SH3PXD2A: variants seen among roughly 807,000 people sequenced by gnomAD.
SH3PXD2A encodes SH3 and PX domain-containing protein 2A.
Under a neutral mutation model 115.2 loss-of-function variants are expected in SH3PXD2A, and 32 were observed. That is an observed-to-expected ratio of 0.28 (90% confidence interval 0.21 to 0.37). The LOEUF is 0.37. SH3PXD2A is among the 10% of genes least tolerant of loss of function. The pLI is 1.00. For missense variants in SH3PXD2A, 1,328 were observed against 1,498.7 expected, an observed-to-expected ratio of 0.89 and a Z score of 1.88; for synonymous variants, 610 against 629.1, an observed-to-expected ratio of 0.97 and a Z score of 0.45.
chr10:103,826,750 T>A (rs2039433730), intron 1 of SH3PXD2A, among the ~76,000 whole-genome samples: 1 of 152,208 alleles, frequency 6.6e-6, no homozygotes, highest in Non-Finnish European at 1.5e-5. Flanking sequence ...TGAAATTGTT[T>A]TGGTTCACCC....
Position 103,620,060 on chromosome 10 carries a change from C to T in SH3PXD2A, c.802+2410G>A, listed in dbSNP as rs372893425. Reference sequence around the variant, plus strand: ...CCCAAGGAAGAGAGACTTGCCTGGGCCACAAACCCCATCTGGGGGCGCCAG... The same window carrying T: ...CCCAAGGAAGAGAGACTTGCCTGGGTCACAAACCCCATCTGGGGGCGCCAG... On this transcript the variant is annotated intron_variant, in intron 10 of 14. Coordinates refer to ENST00000369774, the MANE Select transcript of SH3PXD2A (RefSeq NM_001394015.1). The surrounding 1 kb of genome is among the most constrained non-coding windows in gnomAD (Gnocchi z 5.3). Among the ~76,000 whole-genome samples, 22 of 152,330 alleles carry T rather than the reference C, an allele frequency of 1.4e-4. No individual in the cohort carries two copies. The highest frequency in any genetic ancestry group is 5.1e-4 in the African/African-American group (21 of 41,584).
Position 103,602,586 on chromosome 10 carries a change from A to G in SH3PXD2A, c.2632T>C (p.Trp878Arg). The G allele has an allele frequency of 6.2e-7, 1 of 1,613,750 alleles. No homozygotes were observed. The change falls in exon 15 of 15, where the codon TGG becomes CGG. Residue 878 changes from tryptophan (W) to arginine (R), a missense_variant. This residue lies in a region of SH3PXD2A where 574 missense variants were observed against 565.7 expected (regional missense o/e 1.01). Coordinates refer to ENST00000369774, the MANE Select transcript of SH3PXD2A (RefSeq NM_001394015.1). Reference protein sequence around the residue: ...QVLEKQESGWWYVRFGELEGW... With the variant: ...QVLEKQESGWRYVRFGELEGW... ...TCCAGCTCCCCAAACCTCACATACC[A>G]CCACCCGCTCTCCTGCTTCTCCAGC... is the stretch of plus-strand genomic sequence containing the variant.
At chr10:103,713,249 G>A (rs1157698128) in intron 5 of SH3PXD2A, among the ~76,000 whole-genome samples, 2 of 152,116 alleles carry the variant, frequency 1.3e-5, no homozygotes, top group African/African-American at 4.8e-5. Context: ...CTTTCATCTC[G>A]GACTATGTCT....
At chr10:103,675,320 TTATGTAGCTAGC>T (rs2037518947) in intron 6 of SH3PXD2A, among the ~76,000 whole-genome samples, 1 of 152,202 alleles carries the variant, frequency 6.6e-6, no homozygotes. Context: ...ATCCTGCAAA[TTATGTAGCTAGC>T]TATGCCCAAG....
intron 3 of SH3PXD2A, among the ~76,000 whole-genome samples, chr10:103,749,351 G>A (rs183011401): frequency 4.7e-4 from 72 of 152,354 alleles, no homozygotes; most frequent in African/African-American, 1.6e-3. Context: ...CTCTGAGAGG[G>A]TCACGCTTTG....
chr10:103,706,057 A>C (rs1292924570), intron 5 of SH3PXD2A, among the ~76,000 whole-genome samples: 1 of 152,146 alleles, frequency 6.6e-6, no homozygotes, highest in Non-Finnish European at 1.5e-5. Flanking sequence ...ACTGAGTTCT[A>C]GACTCTTCCT....
intron 5 of SH3PXD2A, among the ~76,000 whole-genome samples, chr10:103,711,376 C>G (rs965080607): frequency 2.6e-5 from 4 of 152,260 alleles, no homozygotes; most frequent in South Asian, 2.1e-4. Context: ...TTTGAGGTGG[C>G]CTTCCCACTG....
intron 2 of SH3PXD2A, among the ~76,000 whole-genome samples, chr10:103,798,402 T>C (rs2039115162): frequency 6.6e-6 from 1 of 152,188 alleles, no homozygotes; most frequent in Non-Finnish European, 1.5e-5. Context: ...CACGACCTGC[T>C]AGGCTCAAGT....
At chr10:103,840,040 G>A (rs2134315816) in intron 1 of SH3PXD2A, among the ~76,000 whole-genome samples, 2 of 152,382 alleles carry the variant, frequency 1.3e-5, no homozygotes, top group East Asian at 3.9e-4. Flanking sequence ...GGCAAGGCCA[G>A]GCAAGAGCCC....
intron 2 of SH3PXD2A, among the ~76,000 whole-genome samples, chr10:103,800,776 G>A (rs142535569): frequency 7.6e-4 from 116 of 152,278 alleles, no homozygotes; most frequent in African/African-American, 2.5e-3. Context: ...CACCTACCAC[G>A]TACATGTACA....
At chr10:103,727,253 A>G (rs549243819) in intron 4 of SH3PXD2A, among the ~76,000 whole-genome samples, 2 of 152,328 alleles carry the variant, frequency 1.3e-5, no homozygotes, top group South Asian at 4.1e-4. Context: ...TGAAGGTCAG[A>G]TGGGTGGAGC....
chr10:103,760,308 C>T (rs2038686233), intron 3 of SH3PXD2A, among the ~76,000 whole-genome samples: 1 of 152,198 alleles, frequency 6.6e-6, no homozygotes, highest in Non-Finnish European at 1.5e-5. Context: ...GTGGCTCACA[C>T]CTGTAATCCC....
intron 13 of SH3PXD2A, chr10:103,608,522 G>A (rs916690065): frequency 6.7e-6 from 1 of 149,040 alleles, no homozygotes; most frequent in Non-Finnish European, 1.5e-5. Flanking sequence ...GAATAATACC[G>A]AGTCTTCTCA....
chr10:103,813,936 C>A (rs901429896), intron 1 of SH3PXD2A, among the ~76,000 whole-genome samples: 1 of 145,758 alleles, frequency 6.9e-6, no homozygotes, highest in Admixed American at 7.1e-5. Context: ...GGTGGGTCTA[C>A]GGGTTGTTCC....
At chr10:103,672,548 A>C (rs1228899001) in intron 6 of SH3PXD2A, among the ~76,000 whole-genome samples, 2 of 152,238 alleles carry the variant, frequency 1.3e-5, no homozygotes, top group Non-Finnish European at 2.9e-5. Flanking sequence ...ATGATTCAGG[A>C]GGCACAGAGG....
At chr10:103,840,472 C>T (rs1280135772) in intron 1 of SH3PXD2A, among the ~76,000 whole-genome samples, 1 of 152,222 alleles carries the variant, frequency 6.6e-6, no homozygotes, top group Non-Finnish European at 1.5e-5. Context: ...CTCATACTGG[C>T]CACCCGTGGC....
Position 103,777,430 on chromosome 10 carries a change from G to A in SH3PXD2A, c.154-10261C>T, listed in dbSNP as rs375911834. ...AGGCCCCAGGGGAGCTGCCCAGCTG[G>A]CGTGCGTGGGCCAGGGTTGGGGAGG... On this transcript the variant is annotated intron_variant, in intron 2 of 14. Transcript: ENST00000369774. 2.4e-4 allele frequency among the ~76,000 whole-genome samples: 37 copies of A among 152,380 alleles called. No homozygotes were observed. The East Asian group carries it at 3.9e-3, about 16-fold the overall frequency.
intron 1 of SH3PXD2A, among the ~76,000 whole-genome samples, chr10:103,851,236 G>A (rs1424328551): frequency 1.3e-5 from 2 of 151,926 alleles, no homozygotes; most frequent in Non-Finnish European, 2.9e-5. Context: ...AATAAAATCT[G>A]GGATGATCTA....
At position 103,620,572 on chromosome 10, in the gene SH3PXD2A, A is replaced by G. The variant is rs917019116; in HGVS notation, c.802+1898T>C. Among the ~76,000 whole-genome samples, 20 of 152,268 alleles carry G rather than the reference A, an allele frequency of 1.3e-4. No homozygotes were observed. Among genetic ancestry groups the G allele is most frequent in the African/African-American group, 4.6e-4 (19 of 41,548 alleles). ...CTTTTCTCTTGTCTAGCTCCTCCACAACCTGCAGCCTGCCTCCCCGACCAG... is the reference window on the plus strand; with the variant it reads ...CTTTTCTCTTGTCTAGCTCCTCCACGACCTGCAGCCTGCCTCCCCGACCAG... On this transcript the variant is annotated intron_variant, in intron 10 of 14. Coordinates refer to ENST00000369774, the MANE Select transcript of SH3PXD2A (RefSeq NM_001394015.1). The surrounding 1 kb of genome is among the most constrained non-coding windows in gnomAD (Gnocchi z 5.3).
Sources: allele counts gnomAD v4.1 joint callset (sites outside exome capture counted in the v4.1 genomes callset), GRCh38; gene constraint gnomAD v4.1.1; regional missense constraint gnomAD v4.1.1; non-coding constraint Gnocchi (gnomAD v3.1); transcripts MANE v1.5; gene names NCBI Gene and HGNC (gene_info 2026-07-23, HGNC 2026-07-21).